The following C12orf42 variants were observed in gnomAD, a reference collection of about 807,000 sequenced individuals.
C12orf42 encodes the protein uncharacterized protein C12orf42.
Under a neutral mutation model 21.6 loss-of-function variants are expected in C12orf42, and 25 were observed. The observed-to-expected ratio is 1.16, with a 90% CI of 0.84 to 1.62. The LOEUF is 1.62. C12orf42 is among the 40% of genes most tolerant of loss of function. C12orf42 has a pLI of 0.00. For missense variants in C12orf42, 483 were observed against 459.3 expected (o/e 1.05, Z -0.47); for synonymous variants, 174 against 175.0 (o/e 0.99, Z 0.05).
At chr12:103,528,502 C>A in the C12orf42 span, among the ~76,000 whole-genome samples, 1 of 152,120 alleles carries the variant, frequency 6.6e-6, no homozygotes, top group African/African-American at 2.4e-5. Flanking sequence ...TAGATTAGTG[C>A]CCACTCAGTG....
intron 4 of C12orf42, among the ~76,000 whole-genome samples, chr12:103,323,931 A>T (rs534384622): frequency 7.9e-5 from 12 of 152,330 alleles, no homozygotes; most frequent in African/African-American, 2.9e-4. Flanking sequence ...CTTATTTTCT[A>T]CAGGGCACAA....
chr12:103,233,714 G>A (rs553290775), downstream of C12orf42, among the ~76,000 whole-genome samples: 1 of 152,232 alleles, frequency 6.6e-6, no homozygotes, highest in Non-Finnish European at 1.5e-5. Context: ...TTTGCCAGGG[G>A]TTTTTGTCCA....
chr12:103,348,688 G>A (rs1263508989), intron 4 of C12orf42, among the ~76,000 whole-genome samples: 1 of 152,112 alleles, frequency 6.6e-6, no homozygotes, highest in Non-Finnish European at 1.5e-5. Context: ...ATCCTTAATG[G>A]TATACAGAAG....
At chr12:103,160,990 G>C in the C12orf42 span, among the ~76,000 whole-genome samples, 1 of 152,180 alleles carries the variant, frequency 6.6e-6, no homozygotes, top group Non-Finnish European at 1.5e-5. Context: ...TTTGAAGACT[G>C]ATTTAGACAA....
the C12orf42 span, among the ~76,000 whole-genome samples, chr12:103,157,539 T>C: frequency 6.6e-6 from 1 of 152,362 alleles, no homozygotes; most frequent in South Asian, 2.1e-4. Context: ...ATGAAGTCTT[T>C]GCCCATGCCT....
chr12:103,537,315 C>A, the C12orf42 span, among the ~76,000 whole-genome samples: 2 of 148,894 alleles, frequency 1.3e-5, no homozygotes, highest in African/African-American at 4.9e-5. Flanking sequence ...AGATAGTTTG[C>A]GTTCTTAAGG....
chr12:103,491,952 G>T (rs1015889147), intron 1 of C12orf42, among the ~76,000 whole-genome samples: 1 of 71,498 alleles, frequency 1.4e-5, no homozygotes, highest in African/African-American at 3.3e-5. Context: ...TTTCAATTTT[G>T]TTTTTTTTTT....
chr12:103,330,875 A>C (rs1209897858), intron 4 of C12orf42, among the ~76,000 whole-genome samples: 1 of 152,216 alleles, frequency 6.6e-6, no homozygotes, highest in Non-Finnish European at 1.5e-5. Context: ...ACACACAGCA[A>C]ATACCTGATA....
chr12:103,309,906 C>A (rs566686657), intron 4 of C12orf42, among the ~76,000 whole-genome samples: 1 of 152,210 alleles, frequency 6.6e-6, no homozygotes, highest in South Asian at 2.1e-4. Context: ...AGAGGCCAGG[C>A]GGATGACAGA....
chr12:103,501,422 G>A, the C12orf42 span, among the ~76,000 whole-genome samples: 2 of 152,288 alleles, frequency 1.3e-5, no homozygotes, highest in East Asian at 3.9e-4. Context: ...CTGCTGAAGG[G>A]GGCTAAATGG....
At chr12:103,231,873 G>A in the C12orf42 span, among the ~76,000 whole-genome samples, 3 of 152,086 alleles carry the variant, frequency 2.0e-5, no homozygotes, top group Admixed American at 2.0e-4. Flanking sequence ...TTTTAGTTTT[G>A]TAGAAAACTG....
At chr12:103,478,208 A>G (rs1313373703) in intron 2 of C12orf42, 141 bp downstream of exon 2, 4 of 589,042 alleles carry the variant, frequency 6.8e-6, no homozygotes, top group Non-Finnish European at 1.2e-5. Flanking sequence ...TGATGTGAGT[A>G]TGGATAAATA....
At chr12:103,146,560 A>AAAAGAAAGAAAGAAAGAAAG in the C12orf42 span, among the ~76,000 whole-genome samples, 205 of 120,036 alleles carry the variant, frequency 1.7e-3, no homozygotes, top group East Asian at 2.9e-3. Context: ...ATAAAGAAAG[A>AAAAGAAAGAAAGAAAGAAAG]AAAGAAAGAA....
chr12:103,089,627 G>C, the C12orf42 span, among the ~76,000 whole-genome samples: 1 of 146,012 alleles, frequency 6.8e-6, no homozygotes, highest in Non-Finnish European at 1.5e-5. Flanking sequence ...GTCTGTGTGT[G>C]TGTGTGTGTG....
the C12orf42 span, among the ~76,000 whole-genome samples, chr12:103,120,186 T>C: frequency 1.3e-5 from 2 of 152,276 alleles, no homozygotes; most frequent in South Asian, 2.1e-4. Context: ...TGTTGAGAAG[T>C]TGAGTTCAAG....
At chr12:103,539,265 C>T in the C12orf42 span, among the ~76,000 whole-genome samples, 5,492 of 152,166 alleles carry the variant, frequency 0.036, 130 homozygotes, top group South Asian at 0.074. Flanking sequence ...GGCAGTCCAT[C>T]TCTAGACATA....
chr12:103,488,761 T>G (rs1955001314), intron 1 of C12orf42, among the ~76,000 whole-genome samples: 1 of 152,246 alleles, frequency 6.6e-6, no homozygotes, highest in Non-Finnish European at 1.5e-5. Flanking sequence ...AGCTTGTGCA[T>G]GTGTCACGAA....
chr12:103,229,273 T>G, the C12orf42 span, among the ~76,000 whole-genome samples: 1 of 152,244 alleles, frequency 6.6e-6, no homozygotes, highest in Non-Finnish European at 1.5e-5. Context: ...GGATGGTTTC[T>G]GCATGCCTCT....
intron 10 of C12orf42, among the ~76,000 whole-genome samples, chr12:103,261,458 G>A (rs1434562153): frequency 6.8e-6 from 1 of 147,214 alleles, no homozygotes; most frequent in Non-Finnish European, 1.5e-5. Context: ...CACCAGCTGG[G>A]TGACAATGAG....
Sources: allele counts gnomAD v4.1 joint callset (sites outside exome capture counted in the v4.1 genomes callset), GRCh38; gene constraint gnomAD v4.1.1; transcripts MANE v1.5; gene names NCBI Gene and HGNC (gene_info 2026-07-23, HGNC 2026-07-21).